PDE1A: variants seen among roughly 807,000 people sequenced by gnomAD.
PDE1A encodes the protein phosphodiesterase 1A.
PDE1A carries 35 observed loss-of-function variants against 61.7 expected under a neutral mutation model. The observed-to-expected ratio is 0.57, with a 90% CI of 0.43 to 0.75. The LOEUF (loss-of-function observed/expected upper bound fraction) is 0.75. Among genes scored for constraint, PDE1A ranks in the 30% least tolerant of loss-of-function variants. The pLI, the probability that PDE1A is intolerant of heterozygous loss-of-function variation, is 0.00. For missense variants in PDE1A, 597 were observed against 630.6 expected (o/e 0.95, Z 0.57); for synonymous variants, 232 against 213.2 (o/e 1.09, Z -0.77).
the PDE1A span, among the ~76,000 whole-genome samples, chr2:182,572,992 C>G: frequency 6.6e-6 from 1 of 151,996 alleles, no homozygotes; most frequent in South Asian, 2.1e-4. Context: ...ATCTAACTTT[C>G]CTTTTTAGAG....
At chr2:182,601,063 G>T in the PDE1A span, among the ~76,000 whole-genome samples, 5 of 152,204 alleles carry the variant, frequency 3.3e-5, no homozygotes, top group African/African-American at 1.2e-4. Context: ...TCTGGCTGGT[G>T]GTGTGTTTGC....
At chr2:182,250,390 T>G (rs1449739959) in intron 2 of PDE1A, among the ~76,000 whole-genome samples, 1 of 152,190 alleles carries the variant, frequency 6.6e-6, no homozygotes, top group Non-Finnish European at 1.5e-5. Flanking sequence ...AGGATGGAAA[T>G]AGGTAATACA....
chr2:182,404,484 TACTGTA>T (rs1702192890), intron 1 of PDE1A, among the ~76,000 whole-genome samples: 1 of 152,256 alleles, frequency 6.6e-6, no homozygotes, highest in South Asian at 2.1e-4. Flanking sequence ...AACTTTTTCT[TACTGTA>T]ACTGTTTCAT....
intron 7 of PDE1A, among the ~76,000 whole-genome samples, chr2:182,220,961 T>A (rs1323316674): frequency 6.6e-6 from 1 of 152,100 alleles, no homozygotes; most frequent in South Asian, 2.1e-4. Flanking sequence ...TCATGTAGAA[T>A]TAATTCATTA....
At chr2:182,206,088 C>A in intron 7 of PDE1A, 23 bp from the exon 8 acceptor site, 1 of 1,588,924 alleles carries the variant, frequency 6.3e-7, no homozygotes, top group Non-Finnish European at 8.6e-7. Context: ...AACAAAATGC[C>A]CAACAGAGGA....
At chr2:182,231,998 T>A (rs1052369267) in intron 4 of PDE1A, among the ~76,000 whole-genome samples, 2 of 152,138 alleles carry the variant, frequency 1.3e-5, no homozygotes, top group Admixed American at 1.3e-4. Flanking sequence ...TTAAAAGGTA[T>A]TTTTTACACT....
intron 1 of PDE1A, among the ~76,000 whole-genome samples, chr2:182,370,183 GA>G (rs138520668): frequency 6.7e-6 from 1 of 149,924 alleles, no homozygotes; most frequent in African/African-American, 2.5e-5. Flanking sequence ...TCTCAAAAAA[GA>G]AAAAAAAGAA....
At chr2:182,644,395 T>C in the PDE1A span, among the ~76,000 whole-genome samples, 1 of 151,500 alleles carries the variant, frequency 6.6e-6, no homozygotes, top group Non-Finnish European at 1.5e-5. Context: ...CTAGAGTTAA[T>C]GGATCAAAAA....
intron 2 of PDE1A, among the ~76,000 whole-genome samples, chr2:182,466,690 G>A (rs1354708189): frequency 6.6e-6 from 1 of 151,900 alleles, no homozygotes; most frequent in Non-Finnish European, 1.5e-5. Flanking sequence ...TCAAAGAAGG[G>A]GTGTTACTCG....
At chr2:182,619,574 A>G in the PDE1A span, among the ~76,000 whole-genome samples, 24 of 152,226 alleles carry the variant, frequency 1.6e-4, no homozygotes, top group African/African-American at 5.8e-4. Flanking sequence ...ATGGGGAAAT[A>G]CTCATTGTGA....
At chr2:182,639,316 C>T in the PDE1A span, among the ~76,000 whole-genome samples, 71 of 152,180 alleles carry the variant, frequency 4.7e-4, no homozygotes, top group African/African-American at 1.6e-3. Flanking sequence ...GCCTGTAATC[C>T]CCACACTTTG....
intron 3 of PDE1A, among the ~76,000 whole-genome samples, chr2:182,238,450 G>A (rs1267240701): frequency 5.3e-5 from 8 of 152,060 alleles, no homozygotes; most frequent in African/African-American, 1.7e-4. Flanking sequence ...TTGCAGGAGT[G>A]GAGATGAGGA....
chr2:182,377,803 T>A (rs898413440), intron 1 of PDE1A, among the ~76,000 whole-genome samples: 1 of 152,066 alleles, frequency 6.6e-6, no homozygotes, highest in Admixed American at 6.5e-5. Context: ...AAATGGAAAT[T>A]TGATGAAGAA....
intron 2 of PDE1A, among the ~76,000 whole-genome samples, chr2:182,240,814 T>C (rs1031646859): frequency 3.3e-5 from 5 of 152,184 alleles, no homozygotes; most frequent in African/African-American, 1.2e-4. Context: ...ATTGGATAAG[T>C]ACCTCTAAAT....
At chr2:182,549,267 A>G in the PDE1A span, among the ~76,000 whole-genome samples, 1 of 152,142 alleles carries the variant, frequency 6.6e-6, no homozygotes, top group African/African-American at 2.4e-5. Flanking sequence ...GATAAAGTTA[A>G]AGTCTACTTT....
intron 1 of PDE1A, among the ~76,000 whole-genome samples, chr2:182,336,091 T>C (rs1697790174): frequency 6.6e-6 from 1 of 152,156 alleles, no homozygotes; most frequent in Admixed American, 6.5e-5. Flanking sequence ...CCAGTTAGAA[T>C]GGTGATCATT....
chr2:182,331,809 T>C (rs886135880), intron 1 of PDE1A, among the ~76,000 whole-genome samples: 3 of 152,218 alleles, frequency 2.0e-5, no homozygotes, highest in Non-Finnish European at 4.4e-5. Flanking sequence ...CCTTGGTGAA[T>C]CTGACAATTA....
At chr2:182,656,765 G>A in the PDE1A span, among the ~76,000 whole-genome samples, 2 of 151,948 alleles carry the variant, frequency 1.3e-5, no homozygotes, top group Admixed American at 1.3e-4. Flanking sequence ...AAAACTACAT[G>A]CTGGTATTAT....
At chr2:182,638,488 A>C in the PDE1A span, among the ~76,000 whole-genome samples, 1 of 152,186 alleles carries the variant, frequency 6.6e-6, no homozygotes, top group African/African-American at 2.4e-5. Context: ...GTGAGCTGAG[A>C]TTGCGCCCCT....
Sources: allele counts gnomAD v4.1 joint callset (sites outside exome capture counted in the v4.1 genomes callset), GRCh38; gene constraint gnomAD v4.1.1; transcripts MANE v1.5; gene names NCBI Gene and HGNC (gene_info 2026-07-23, HGNC 2026-07-21).